TAFA2: variants seen among roughly 807,000 people sequenced by gnomAD.
The protein encoded by TAFA2 is chemokine-like protein TAFA-2.
Under a neutral mutation model 18.8 loss-of-function variants are expected in TAFA2, and 7 were observed. The observed-to-expected ratio is 0.37, with a 90% CI of 0.21 to 0.70. The LOEUF is 0.70. Among genes scored for constraint, TAFA2 ranks in the 30% least tolerant of loss-of-function variants. TAFA2 has a pLI of 0.53. For synonymous variants in TAFA2, 60 were observed against 54.2 expected (o/e 1.11, Z -0.47); for missense variants, 122 against 158.1 (o/e 0.77, Z 1.23).
At chr12:62,234,282 C>A in intron 1 of TAFA2, 1 of 403,888 alleles carries the variant, frequency 2.5e-6, no homozygotes. Context: ...GTATTGTAGG[C>A]TCAAAAAACA....
chr12:62,222,768 C>G (rs577089795), intron 1 of TAFA2, among the ~76,000 whole-genome samples: 9 of 151,820 alleles, frequency 5.9e-5, no homozygotes, highest in Non-Finnish European at 8.8e-5. Flanking sequence ...CCCGCCTGGG[C>G]CTCCCAAAGT....
chr12:61,769,194 C>T (rs1242465920), intron 2 of TAFA2, among the ~76,000 whole-genome samples: 1 of 152,010 alleles, frequency 6.6e-6, no homozygotes, highest in Non-Finnish European at 1.5e-5. Flanking sequence ...GTAAGACCCA[C>T]CAAAGGAGGG....
rs1882566815 is a variant in TAFA2, at chr12:62,069,255, TA to T, written c.-2+122003del. On this transcript the variant is annotated intron_variant, in intron 1 of 4. Transcript: ENST00000416284. ...CCCTAACAGCAAATCCCTAATGGCA[TA>T]GGGGCAGGAAAGAATCAAAACAGAG... Among the ~76,000 whole-genome samples the T allele has an allele frequency of 3.3e-5, 5 of 152,124 alleles. No individual in the cohort carries two copies. In the South Asian group the frequency reaches 1.0e-3, roughly 32 times the overall value.
intron 1 of TAFA2, among the ~76,000 whole-genome samples, chr12:61,962,636 G>C (rs978871819): frequency 6.6e-6 from 1 of 151,932 alleles, no homozygotes; most frequent in African/African-American, 2.4e-5. Context: ...AAAGAGAAGA[G>C]TATATGAAAA....
At chr12:61,813,996 T>C (rs1871977720) in intron 2 of TAFA2, among the ~76,000 whole-genome samples, 2 of 151,590 alleles carry the variant, frequency 1.3e-5, no homozygotes, top group African/African-American at 4.9e-5. Flanking sequence ...ATCAATATAG[T>C]AACAGTTGAG....
chr12:62,127,127 AT>A (rs1300469392), intron 1 of TAFA2, among the ~76,000 whole-genome samples: 1 of 152,074 alleles, frequency 6.6e-6, no homozygotes, highest in African/African-American at 2.4e-5. Flanking sequence ...GGGTTTATGT[AT>A]TACTACATGT....
intron 1 of TAFA2, among the ~76,000 whole-genome samples, chr12:61,899,781 C>T (rs1233288991): frequency 2.0e-5 from 3 of 152,148 alleles, no homozygotes; most frequent in African/African-American, 7.2e-5. Context: ...AATGTATAGA[C>T]TTTTTTGCTT....
intron 1 of TAFA2, among the ~76,000 whole-genome samples, chr12:62,106,139 C>T (rs1869439860): frequency 1.3e-5 from 2 of 151,834 alleles, no homozygotes. Context: ...TTGAGACCAG[C>T]CTGGCCAACA....
At chr12:62,254,536 A>G (rs993970992) in intron 1 of TAFA2, among the ~76,000 whole-genome samples, 2 of 152,164 alleles carry the variant, frequency 1.3e-5, no homozygotes, top group East Asian at 1.9e-4. Context: ...ATCATGTCCA[A>G]TGTATTACAC....
chr12:61,928,679 G>T (rs781394501), intron 1 of TAFA2, among the ~76,000 whole-genome samples: 23 of 152,044 alleles, frequency 1.5e-4, no homozygotes, highest in Admixed American at 5.2e-4. Context: ...ATACCCAAAG[G>T]ATTATAAATC....
At chr12:62,153,898 T>C (rs1044279948) in intron 1 of TAFA2, among the ~76,000 whole-genome samples, 2 of 145,628 alleles carry the variant, frequency 1.4e-5, no homozygotes, top group African/African-American at 2.6e-5. Context: ...ACAGTGTCTA[T>C]ACACAGGCAT....
At chr12:61,878,475 T>A (rs74479229) in intron 1 of TAFA2, among the ~76,000 whole-genome samples, 1 of 152,168 alleles carries the variant, frequency 6.6e-6, no homozygotes, top group Non-Finnish European at 1.5e-5. Flanking sequence ...TTGTTTATTG[T>A]CTCTCTCTTC....
chr12:62,088,167 A>G lies in TAFA2; in HGVS notation c.-2+103092T>C, dbSNP rs192596559. On this transcript the variant is annotated intron_variant, in intron 1 of 4. Coordinates refer to ENST00000416284, the MANE Select transcript of TAFA2 (RefSeq NM_178539.5). ...TTGATGTTTCAAAGATGCACTATTA[A>G]CAGTATTGTTAATGAAGGAAAAACA... Among the ~76,000 whole-genome samples, 15 of 152,222 alleles carry G rather than the reference A, an allele frequency of 9.9e-5. No individual in the cohort carries two copies. The East Asian group carries it at 2.7e-3, about 27-fold the overall frequency.
At chr12:62,190,713 G>A (rs2062617307) in intron 1 of TAFA2, among the ~76,000 whole-genome samples, 1 of 152,130 alleles carries the variant, frequency 6.6e-6, no homozygotes, top group Non-Finnish European at 1.5e-5. Context: ...ATAGTTAGAG[G>A]TGGATAAATC....
intron 1 of TAFA2, among the ~76,000 whole-genome samples, chr12:62,074,082 A>C (rs1033519636): frequency 6.6e-6 from 1 of 152,248 alleles, no homozygotes; most frequent in African/African-American, 2.4e-5. Flanking sequence ...TTCTCATTGA[A>C]TGTACAATAA....
chr12:62,030,669 T>C (rs780295829), intron 1 of TAFA2, among the ~76,000 whole-genome samples: 3 of 152,166 alleles, frequency 2.0e-5, no homozygotes, highest in Non-Finnish European at 2.9e-5. Context: ...AAGGAATATT[T>C]CAAGAAAAAT....
intron 1 of TAFA2, among the ~76,000 whole-genome samples, chr12:62,041,805 T>A (rs189311548): frequency 7.9e-5 from 12 of 152,306 alleles, no homozygotes; most frequent in Admixed American, 5.2e-4. Flanking sequence ...TAAAGGTTTA[T>A]GCTTTAATAA....
At chr12:61,737,062 C>T (rs1178181648) in intron 4 of TAFA2, among the ~76,000 whole-genome samples, 3 of 151,800 alleles carry the variant, frequency 2.0e-5, no homozygotes, top group Non-Finnish European at 4.4e-5. Context: ...GGGTCCTGAA[C>T]TCTGAGAATC....
chr12:61,935,003 T>G (rs748283886), intron 1 of TAFA2, among the ~76,000 whole-genome samples: 1 of 152,190 alleles, frequency 6.6e-6, no homozygotes, highest in African/African-American at 2.4e-5. Flanking sequence ...ACTGAGTTTA[T>G]AAGCATTGAC....
Sources: allele counts gnomAD v4.1 joint callset (sites outside exome capture counted in the v4.1 genomes callset), GRCh38; gene constraint gnomAD v4.1.1; transcripts MANE v1.5; gene names NCBI Gene and HGNC (gene_info 2026-07-23, HGNC 2026-07-21).